The following MLLT3 variants were observed in gnomAD, a reference collection of about 807,000 sequenced individuals.
The protein encoded by MLLT3 is protein AF-9.
Under a neutral mutation model 53.2 loss-of-function variants are expected in MLLT3, and 4 were observed. That is an observed-to-expected ratio of 0.08 (90% CI 0.04 to 0.17). The LOEUF is 0.17. Among genes scored for constraint, MLLT3 ranks in the 10% least tolerant of loss-of-function variants. The probability of loss-of-function intolerance (pLI) is 1.00; values close to 1 mark genes in which losing one functional copy is unlikely to be tolerated. For missense variants in MLLT3, 569 were observed against 684.0 expected, an observed-to-expected ratio of 0.83 and a Z score of 1.87; for synonymous variants, 283 against 230.6, an observed-to-expected ratio of 1.23 and a Z score of -2.06.
rs189600228 is a variant in MLLT3 at position 20,472,779 on chromosome 9, T to C, written c.194-15993A>G. Among the ~76,000 whole-genome samples the C allele has an allele frequency of 8.5e-5, 13 of 152,212 alleles. No homozygotes were observed. The East Asian group carries it at 2.3e-3, about 27-fold the overall frequency. On this transcript the variant is annotated intron_variant, in intron 2 of 10. Coordinates refer to ENST00000380338, the MANE Select transcript of MLLT3 (RefSeq NM_004529.4). ...TAACTTCTAAACCATATCCTTTCTTTAATCATATTAGTTCAGCAATGTAAT... is the reference window on the plus strand; with the variant it reads ...TAACTTCTAAACCATATCCTTTCTTCAATCATATTAGTTCAGCAATGTAAT...
intron 2 of MLLT3, among the ~76,000 whole-genome samples, chr9:20,491,910 G>T (rs554968578): frequency 6.6e-6 from 1 of 152,146 alleles, no homozygotes; most frequent in East Asian, 1.9e-4. Context: ...TATGGAATAT[G>T]GAGTTTCTTC....
intron 2 of MLLT3, among the ~76,000 whole-genome samples, chr9:20,482,615 C>G (rs1192145644): frequency 6.6e-6 from 1 of 152,062 alleles, no homozygotes; most frequent in Non-Finnish European, 1.5e-5. Flanking sequence ...CTAGGATTTC[C>G]TACCTAATAC....
At chr9:20,432,473 G>A (rs1823296137) in intron 4 of MLLT3, among the ~76,000 whole-genome samples, 2 of 151,902 alleles carry the variant, frequency 1.3e-5, no homozygotes, top group South Asian at 4.2e-4. Context: ...GTATTATATT[G>A]CTGGTCAAAG....
chr9:20,620,630 G>C lies in MLLT3; in HGVS notation c.193+24C>G, dbSNP rs1160647772. Reference sequence around the variant, plus strand: ...TTGTTTCAAAGACATTTTTTATCAAGACCCTTTTGTATTCGAGCCCTACCT... The same window carrying C: ...TTGTTTCAAAGACATTTTTTATCAACACCCTTTTGTATTCGAGCCCTACCT... On this transcript the variant is annotated intron_variant, in intron 2 of 10. Coordinates refer to ENST00000380338, the MANE Select transcript of MLLT3 (RefSeq NM_004529.4). This position sits in a 1 kb window ranked among gnomAD's most constrained non-coding sequence, Gnocchi z 6.1. 1 of 1,604,356 alleles carries C rather than the reference G, an allele frequency of 6.2e-7. No individual in the cohort carries two copies. Among genetic ancestry groups the C allele is most frequent in the Admixed American group, 1.7e-5 (1 of 59,296 alleles).
In MLLT3 at chr9:20,467,482, G is replaced by A. The variant is rs145099395; in HGVS notation, c.194-10696C>T. Among the ~76,000 whole-genome samples the A allele has an allele frequency of 5.0e-3, 761 of 152,304 alleles. 7 individuals are homozygous for A. The highest frequency in any genetic ancestry group is 0.017 in the African/African-American group (714 of 41,550). On this transcript the variant is annotated intron_variant, in intron 2 of 10. Transcript: ENST00000380338. Reference sequence around the variant, plus strand: ...AGTCCCAGCTACTCAGGAGGCTGACGCAGGAGAATCGCTTGAACTCGGGAG... The same window carrying A: ...AGTCCCAGCTACTCAGGAGGCTGACACAGGAGAATCGCTTGAACTCGGGAG...
At chr9:20,606,068 G>A (rs554904300) in intron 2 of MLLT3, among the ~76,000 whole-genome samples, 1 of 152,174 alleles carries the variant, frequency 6.6e-6, no homozygotes, top group Non-Finnish European at 1.5e-5. Flanking sequence ...AAATAAATTA[G>A]TTTGCAAGTA....
At chr9:20,603,737 C>G (rs79528827) in intron 2 of MLLT3, among the ~76,000 whole-genome samples, 188 of 152,096 alleles carry the variant, frequency 1.2e-3, no homozygotes, top group African/African-American at 4.2e-3. Flanking sequence ...TTGCAGGAAG[C>G]CTTTGTGCTC....
intron 2 of MLLT3, among the ~76,000 whole-genome samples, chr9:20,494,757 CA>C (rs1427772988): frequency 6.6e-6 from 1 of 152,126 alleles, no homozygotes; most frequent in Non-Finnish European, 1.5e-5. Context: ...GAATGCTGTT[CA>C]AAATTACTCA....
intron 2 of MLLT3, among the ~76,000 whole-genome samples, chr9:20,587,361 A>G (rs1819999119): frequency 6.6e-6 from 1 of 152,062 alleles, no homozygotes; most frequent in African/African-American, 2.4e-5. Context: ...GTCTCTCCTC[A>G]TTTTACAGAT....
intron 4 of MLLT3, among the ~76,000 whole-genome samples, chr9:20,420,664 C>T (rs557163772): frequency 9.2e-5 from 14 of 152,184 alleles, no homozygotes; most frequent in South Asian, 8.3e-4. Context: ...ACAACCCACA[C>T]GCTCATTTAA....
rs191589532 is a variant in MLLT3 at position 20,475,703 on chromosome 9, T to A, written c.194-18917A>T. ...GCTCCTCATTCTCACATTGGTTTTA[T>A]GGGAAAAATCACATTTGACTTCCAT... is the stretch of plus-strand genomic sequence containing the variant. On this transcript the variant is annotated intron_variant, in intron 2 of 10. Coordinates refer to ENST00000380338, the MANE Select transcript of MLLT3 (RefSeq NM_004529.4). Among the ~76,000 whole-genome samples, 281 of 152,226 alleles carry A rather than the reference T, an allele frequency of 1.8e-3. 4 individuals are homozygous for A. The highest frequency in any genetic ancestry group is 2.2e-3 in the Non-Finnish European group (147 of 67,992).
intron 2 of MLLT3, among the ~76,000 whole-genome samples, chr9:20,503,526 T>C (rs1825301477): frequency 6.6e-6 from 1 of 152,134 alleles, no homozygotes; most frequent in Non-Finnish European, 1.5e-5. Flanking sequence ...TACTTCATAC[T>C]AAATATAAAA....
intron 5 of MLLT3, among the ~76,000 whole-genome samples, chr9:20,393,952 T>A (rs1225846793): frequency 2.6e-5 from 4 of 152,240 alleles, no homozygotes; most frequent in Non-Finnish European, 5.9e-5. Context: ...TCATCATTGA[T>A]AAGATTTATC....
Position 20,533,129 on chromosome 9 carries a change from A to G in MLLT3, c.194-76343T>C, listed in dbSNP as rs1202449562. 3 of 270,358 alleles carry G rather than the reference A, an allele frequency of 1.1e-5. No individual in the cohort carries two copies. In the Admixed American group the frequency reaches 1.3e-4, roughly 12 times the overall value. 16.7% of individuals were successfully genotyped at this position (270,358 alleles called of 1,614,324 possible). A position where few individuals can be genotyped will look rare whatever the true frequency, so the allele number is the denominator to read the frequency against. On this transcript the variant is annotated intron_variant, in intron 2 of 10. Coordinates refer to ENST00000380338, the MANE Select transcript of MLLT3 (RefSeq NM_004529.4). ...ACCAAGGAGAAGGCAAGTCTGGGAC[A>G]TCTAGTTCACAGGAAGACCTGCACC...
intron 2 of MLLT3, among the ~76,000 whole-genome samples, chr9:20,556,308 T>A (rs977677169): frequency 6.6e-6 from 1 of 152,192 alleles, no homozygotes; most frequent in Non-Finnish European, 1.5e-5. Context: ...ATTTTCAGTA[T>A]TGATATATTT....
At chr9:20,614,491 T>A (rs1452309101) in intron 2 of MLLT3, among the ~76,000 whole-genome samples, 1 of 151,854 alleles carries the variant, frequency 6.6e-6, no homozygotes, top group African/African-American at 2.4e-5. Flanking sequence ...CACACACTTG[T>A]TGAATGAATG....
Position 20,616,567 on chromosome 9 carries a change from G to C in MLLT3, c.193+4087C>G, listed in dbSNP as rs867425269. Among the ~76,000 whole-genome samples the C allele has an allele frequency of 8.5e-5, 13 of 152,104 alleles. No individual in the cohort carries two copies. The Middle Eastern group carries it at 0.01, about 119-fold the overall frequency. On this transcript the variant is annotated intron_variant, in intron 2 of 10. Transcript: ENST00000380338. ...ACTAAACTACTAGTAAGAGTTTGAT[G>C]CCCGCTAATGCAAATTTACTTATTT...
chr9:20,538,182 G>A (rs1188522198), intron 2 of MLLT3, among the ~76,000 whole-genome samples: 2 of 152,072 alleles, frequency 1.3e-5, no homozygotes, highest in East Asian at 1.9e-4. Flanking sequence ...ACTTTTATTT[G>A]TAAAATTCAA....
chr9:20,528,639 G>C (rs1021163925), intron 2 of MLLT3, among the ~76,000 whole-genome samples: 2 of 152,184 alleles, frequency 1.3e-5, no homozygotes, highest in South Asian at 2.1e-4. Context: ...CTCCATGTGT[G>C]TCTCCATCTT....
Sources: gnomAD v4.1 joint callset for allele counts (sites outside exome capture counted in the v4.1 genomes callset) on GRCh38, gnomAD v4.1.1 for gene constraint, Gnocchi (gnomAD v3.1) non-coding constraint, MANE v1.5 for transcripts, NCBI Gene and HGNC (gene_info 2026-07-23, HGNC 2026-07-21) for gene names.